Variants in PSMB7 observed in about 807,000 individuals in gnomAD.
PSMB7 encodes proteasome 20S subunit beta 7.
PSMB7 carries 5 observed loss-of-function variants against 28.1 expected under a neutral mutation model. That is an observed-to-expected ratio of 0.18 (90% CI 0.09 to 0.37). The LOEUF is 0.37. Among genes scored for constraint, PSMB7 ranks in the 10% least tolerant of loss-of-function variants. The pLI, the probability that PSMB7 is intolerant of heterozygous loss-of-function variation, is 1.00. For synonymous variants in PSMB7, 122 were observed against 123.7 expected, an observed-to-expected ratio of 0.99 and a Z score of 0.09; for missense variants, 275 against 346.2, an observed-to-expected ratio of 0.79 and a Z score of 1.63.
At chr9:124,377,505 A>G (rs1342803331) in intron 6 of PSMB7, among the ~76,000 whole-genome samples, 1 of 152,234 alleles carries the variant, frequency 6.6e-6, no homozygotes, top group Non-Finnish European at 1.5e-5. Flanking sequence ...AAACACACAC[A>G]CAGTTACTTC....
chr9:124,380,446 C>T (rs949614959), intron 6 of PSMB7, among the ~76,000 whole-genome samples: 2 of 151,998 alleles, frequency 1.3e-5, no homozygotes, highest in Non-Finnish European at 2.9e-5. Context: ...GAGGCAGAGG[C>T]GAGAAGATCA....
intron 6 of PSMB7, among the ~76,000 whole-genome samples, chr9:124,359,546 T>C (rs10986324): frequency 0.48 from 72,892 of 151,976 alleles, 18,240 homozygotes; most frequent in Non-Finnish European, 0.56. Flanking sequence ...CAAAAAATAG[T>C]AAAACAGGCC....
chr9:124,402,558 A>G (rs1253430792), intron 5 of PSMB7, among the ~76,000 whole-genome samples: 1 of 150,150 alleles, frequency 6.7e-6, no homozygotes, highest in East Asian at 1.9e-4. Context: ...CCCCACGCAC[A>G]CGAAACAATG....
intron 6 of PSMB7, among the ~76,000 whole-genome samples, chr9:124,365,750 T>C (rs1490147168): frequency 6.6e-6 from 1 of 152,110 alleles, no homozygotes; most frequent in African/African-American, 2.4e-5. Flanking sequence ...ACCTTGTCTC[T>C]ATAAAATAAA....
At chr9:124,375,763 C>T (rs1290843988) in intron 6 of PSMB7, among the ~76,000 whole-genome samples, 1 of 152,164 alleles carries the variant, frequency 6.6e-6, no homozygotes, top group Non-Finnish European at 1.5e-5. Flanking sequence ...GTGTTTGATG[C>T]CAACAGGGTT....
At chr9:124,364,446 G>A (rs1830489124) in intron 6 of PSMB7, among the ~76,000 whole-genome samples, 1 of 150,020 alleles carries the variant, frequency 6.7e-6, no homozygotes. Flanking sequence ...TTTCCACAAG[G>A]AGAAGAAATC....
intron 6 of PSMB7, among the ~76,000 whole-genome samples, chr9:124,358,069 T>C (rs569960317): frequency 9.0e-4 from 137 of 152,266 alleles, no homozygotes; most frequent in African/African-American, 3.2e-3. Flanking sequence ...CTACGGCGCC[T>C]TCCCAGTCCA....
chr9:124,406,127 T>C (rs771713988), intron 4 of PSMB7, among the ~76,000 whole-genome samples: 5 of 152,168 alleles, frequency 3.3e-5, no homozygotes, highest in Non-Finnish European at 7.3e-5. Context: ...ATCACACCTC[T>C]CTGTGATCAG....
chr9:124,356,015 T>G lies in PSMB7; in HGVS notation c.722+749A>C, dbSNP rs1830401185. 6.6e-6 allele frequency among the ~76,000 whole-genome samples: 1 copy of G among 152,186 alleles called. No individual in the cohort carries two copies. Among genetic ancestry groups the G allele is most frequent in the African/African-American group, 2.4e-5 (1 of 41,458 alleles). ...TGGGAGCCGTAGTTTATAAATGCCC[T>G]GTGCTGCACCCAGATGCTGCAGCTG... On this transcript the variant is annotated intron_variant, in intron 7 of 7. Coordinates refer to ENST00000259457, the MANE Select transcript of PSMB7 (RefSeq NM_002799.4). This position sits in a 1 kb window ranked among gnomAD's most constrained non-coding sequence, Gnocchi z 4.4.
chr9:124,396,200 T>C (rs1218963383), intron 5 of PSMB7, among the ~76,000 whole-genome samples: 1 of 152,236 alleles, frequency 6.6e-6, no homozygotes, highest in African/African-American at 2.4e-5. Context: ...AATTTGATCC[T>C]GTGCAGGACA....
chr9:124,394,309 C>T (rs1325398346), intron 5 of PSMB7, among the ~76,000 whole-genome samples: 3 of 152,144 alleles, frequency 2.0e-5, no homozygotes, highest in Non-Finnish European at 2.9e-5. Context: ...CGTAGTCTGA[C>T]CAATGAGGAA....
In PSMB7 at chr9:124,415,090, T is replaced by G. The variant is rs1403564986; in HGVS notation, c.63-155A>C. On this transcript the variant is annotated intron_variant, in intron 1 of 7. Coordinates refer to ENST00000259457, the MANE Select transcript of PSMB7 (RefSeq NM_002799.4). ...TCCCACCATCAGCACTGTTCTCCCG[T>G]TTTCCAACGAAGACAGTCTTACAAA... 31 of 636,002 alleles carry G rather than the reference T, an allele frequency of 4.9e-5. No homozygotes were observed. In the East Asian group the frequency reaches 8.5e-4, roughly 17 times the overall value. The allele number at this position is 636,002 out of a possible 1,614,324, so 39.4% of individuals were successfully genotyped here.
intron 6 of PSMB7, among the ~76,000 whole-genome samples, chr9:124,367,774 T>C (rs1462116609): frequency 6.6e-6 from 1 of 152,180 alleles, no homozygotes; most frequent in Admixed American, 6.5e-5. Context: ...CGAAGTGTCA[T>C]GCACAGGAGA....
intron 6 of PSMB7, among the ~76,000 whole-genome samples, chr9:124,372,159 T>G (rs1263744437): frequency 1.3e-5 from 2 of 152,176 alleles, no homozygotes; most frequent in Non-Finnish European, 2.9e-5. Flanking sequence ...ACTTTGCCAA[T>G]AGCTGCACAA....
intron 5 of PSMB7, among the ~76,000 whole-genome samples, chr9:124,395,287 C>G (rs1254385665): frequency 6.6e-6 from 1 of 151,776 alleles, no homozygotes; most frequent in African/African-American, 2.4e-5. Context: ...AAGTTCCAGA[C>G]CAGCCCGAAA....
At chr9:124,367,587 G>A (rs1417575972) in intron 6 of PSMB7, among the ~76,000 whole-genome samples, 1 of 152,052 alleles carries the variant, frequency 6.6e-6, no homozygotes, top group Non-Finnish European at 1.5e-5. Context: ...GGGCGGGGGA[G>A]GCAATGCTTG....
rs749786473 is a variant in PSMB7 at position 124,375,693 on chromosome 9, T to C, written c.570+8905A>G. On this transcript the variant is annotated intron_variant, in intron 6 of 7. Transcript: ENST00000259457. ...CAAAACAGATAAGAAAATCATTGTTTATAATAGTTATCGAAGGTCGAGGTT... is the reference window on the plus strand; with the variant it reads ...CAAAACAGATAAGAAAATCATTGTTCATAATAGTTATCGAAGGTCGAGGTT... 6.1e-4 allele frequency among the ~76,000 whole-genome samples: 93 copies of C among 152,220 alleles called. 1 individual carries two copies. Among genetic ancestry groups the C allele is most frequent in the Non-Finnish European group, 1.2e-3 (84 of 68,040 alleles).
chr9:124,363,954 T>TC (rs1830485415), intron 6 of PSMB7, among the ~76,000 whole-genome samples: 1 of 151,932 alleles, frequency 6.6e-6, no homozygotes, highest in African/African-American at 2.4e-5. Flanking sequence ...GGACAGCGGG[T>TC]CACTCTCTGA....
intron 6 of PSMB7, among the ~76,000 whole-genome samples, chr9:124,368,881 A>C (rs1313118673): frequency 6.6e-6 from 1 of 152,194 alleles, no homozygotes; most frequent in Non-Finnish European, 1.5e-5. Flanking sequence ...CAGGGGTTAC[A>C]CAAGAGGCAA....
Sources: allele counts gnomAD v4.1 joint callset (sites outside exome capture counted in the v4.1 genomes callset), GRCh38; gene constraint gnomAD v4.1.1; non-coding constraint Gnocchi (gnomAD v3.1); transcripts MANE v1.5; gene names NCBI Gene and HGNC (gene_info 2026-07-23, HGNC 2026-07-21).